Variants in EFTUD2 observed in about 807,000 individuals in gnomAD.
The protein encoded by EFTUD2 is elongation factor Tu GTP binding domain containing 2.
EFTUD2 carries 9 observed loss-of-function variants against 114.3 expected under a neutral mutation model. The ratio of observed to expected loss-of-function variants is 0.08; its 90% confidence interval spans 0.05 to 0.14. The LOEUF is 0.14. Among genes scored for constraint, EFTUD2 ranks in the 10% least tolerant of loss-of-function variants. The pLI, the probability that EFTUD2 is intolerant of heterozygous loss-of-function variation, is 1.00. For synonymous variants in EFTUD2, 449 were observed against 462.3 expected (o/e 0.97, Z 0.37); for missense variants, 765 against 1,241.2 (o/e 0.62, Z 5.76).
In EFTUD2 at chr17:44,851,089, C is replaced by A; in HGVS notation, c.*185G>T. On this transcript the variant is annotated 3_prime_UTR_variant, in exon 28 of 28. Transcript: ENST00000426333. ...GCCCGGCAGAGGCCACAGAAGGAAG[C>A]AGGAGGCCAAATGCTCCTCTCTCAC... is the stretch of plus-strand genomic sequence containing the variant. The A allele has an allele frequency of 1.7e-6, 1 of 572,034 alleles. No homozygotes were observed. Among genetic ancestry groups the A allele is most frequent in the South Asian group, 2.2e-5 (1 of 44,948 alleles). 35.4% of individuals were successfully genotyped at this position (572,034 alleles called of 1,614,324 possible).
At chr17:44,872,319 T>C in intron 11 of EFTUD2, 127 bp downstream of exon 11, 1 of 1,265,906 alleles carries the variant, frequency 7.9e-7, no homozygotes. Context: ...CCAAATGTGA[T>C]AATAACAGGT....
intron 7 of EFTUD2, 141 bp downstream of exon 7, chr17:44,881,546 G>T: frequency 1.1e-6 from 1 of 885,976 alleles, no homozygotes; most frequent in Non-Finnish European, 1.8e-6. Context: ...GGGGGAAGAA[G>T]GAGATGGGAT....
intron 6 of EFTUD2, among the ~76,000 whole-genome samples, chr17:44,882,685 C>T (rs2051094331): frequency 6.6e-6 from 1 of 152,198 alleles, no homozygotes; most frequent in African/African-American, 2.4e-5. Flanking sequence ...ATCAATCTGG[C>T]AGGGTTTGAA....
At chr17:44,862,262 T>A (rs113633016) in intron 16 of EFTUD2, among the ~76,000 whole-genome samples, 1 of 151,938 alleles carries the variant, frequency 6.6e-6, no homozygotes, top group Non-Finnish European at 1.5e-5. Flanking sequence ...TAGTGAGACA[T>A]TGTCTCTACA....
chr17:44,869,421 C>G (rs1202536767), intron 11 of EFTUD2, among the ~76,000 whole-genome samples: 1 of 152,162 alleles, frequency 6.6e-6, no homozygotes, highest in Non-Finnish European at 1.5e-5. Flanking sequence ...ACCTCTGCCT[C>G]CCGAGTAGCT....
At chr17:44,853,082 G>T (rs1226527462) in intron 25 of EFTUD2, among the ~76,000 whole-genome samples, 1 of 152,060 alleles carries the variant, frequency 6.6e-6, no homozygotes, top group African/African-American at 2.4e-5. Context: ...GGGTTTCACT[G>T]TGTTAGCCAG....
intron 15 of EFTUD2, 131 bp downstream of exon 15, chr17:44,863,524 G>T: frequency 7.5e-7 from 1 of 1,335,796 alleles, no homozygotes; most frequent in Non-Finnish European, 1.0e-6. Context: ...TTGCATTCAG[G>T]CCTGACTGTG....
Position 44,865,029 on chromosome 17 carries a change from G to A in EFTUD2, c.1186C>T (p.Leu396=), listed in dbSNP as rs1278748172. Residue 396 remains leucine, a synonymous_variant, in exon 14 of 28, where the codon CTA becomes TTA. Transcript: ENST00000426333. ...GTCAGGTGGATGCCAAGCTCGTCTA[G>A]GGTCCGTGGGAGGCTGGTGTCCACG... ...GDVDTSLPRT[L]DELGIHLTKE... is the part of the protein sequence containing the mutation. The A allele has an allele frequency of 1.2e-6, 2 of 1,614,186 alleles. No individual in the cohort carries two copies. The highest frequency in any genetic ancestry group is 1.7e-6 in the Non-Finnish European group (2 of 1,180,032).
At chr17:44,867,075 C>T (rs2050759156) in intron 13 of EFTUD2, among the ~76,000 whole-genome samples, 1 of 152,128 alleles carries the variant, frequency 6.6e-6, no homozygotes, top group South Asian at 2.1e-4. Flanking sequence ...CTATTGCACT[C>T]CCACCTGGGC....
intron 3 of EFTUD2, 42 bp downstream of exon 3, chr17:44,886,543 G>A: frequency 6.2e-7 from 1 of 1,601,340 alleles, no homozygotes; most frequent in Non-Finnish European, 8.5e-7. Flanking sequence ...AAGTTTCCAG[G>A]TTTCAATTTC....
intron 2 of EFTUD2, among the ~76,000 whole-genome samples, chr17:44,887,046 A>G (rs1215007438): frequency 6.6e-6 from 1 of 152,228 alleles, no homozygotes; most frequent in East Asian, 1.9e-4. Flanking sequence ...TACGGGGAAA[A>G]AAGCAACTTT....
chr17:44,894,236 G>C (rs1411114744), intron 2 of EFTUD2, 181 bp downstream of exon 2: 1 of 565,486 alleles, frequency 1.8e-6, no homozygotes, highest in African/African-American at 1.9e-5. Context: ...TGGGCATGGT[G>C]GTGCATACCT....
In EFTUD2 at chr17:44,866,065, C is replaced by T. The variant is rs148901497; in HGVS notation, c.1150-1000G>A. Among the ~76,000 whole-genome samples, 29 of 152,336 alleles carry T rather than the reference C, an allele frequency of 1.9e-4. No homozygotes were observed. In the East Asian group the frequency reaches 5.4e-3, roughly 28 times the overall value. On this transcript the variant is annotated intron_variant, in intron 13 of 27. Coordinates refer to ENST00000426333, the MANE Select transcript of EFTUD2 (RefSeq NM_004247.4). The stretch of plus-strand genomic sequence containing the variant: ...TCTCAAGCGATCTGCCCACTGGGAC[C>T]TCCCAAAGTGCTGGAATTACAGGCG...
rs776087937 is a variant in EFTUD2 at position 44,880,655 on chromosome 17, C to G, written c.529-11G>C. The G allele has an allele frequency of 7.4e-6, 12 of 1,611,254 alleles. No homozygotes were observed. The Admixed American group carries it at 1.5e-4, about 20-fold the overall frequency. ...GATGCCTACACCTCTCTGAAAGGAA[C>G]AAAGAGTGGTCAAGACCTCTTCCTA... On this transcript the variant is annotated splice_polypyrimidine_tract_variant and intron_variant, in intron 7 of 27. Transcript: ENST00000426333.
At position 44,876,066 on chromosome 17, in the gene EFTUD2, G is replaced by A. The variant is rs1393171446; in HGVS notation, c.737C>T (p.Ala246Val). The A allele has an allele frequency of 8.1e-6, 13 of 1,613,568 alleles. No individual in the cohort carries two copies. Among genetic ancestry groups the A allele is most frequent in the Admixed American group, 5.0e-5 (3 of 59,972 alleles). Residue 246 changes from alanine (A) to valine (V), a missense_variant, in exon 10 of 28, where the codon GCG becomes GTG. By Grantham distance (64) the Ala-to-Val change is moderately conservative (BLOSUM62 0). Around this residue, in one of 6 missense-constraint regions of EFTUD2, gnomAD observed 251 missense variants for 357.7 expected, o/e 0.70. Transcript: ENST00000426333. The part of the protein sequence containing the change: ...MLNTERLIKH[A>V]VQERLAVTVC... The stretch of plus-strand genomic sequence containing the variant: ...AGTGACTGCCAGCCTCTCCTGCACC[G>A]CATGCTTGATCAGCCGCTCTGTGTT...
Position 44,881,693 on chromosome 17 carries a change from C to T in EFTUD2, c.522G>A (p.Glu174=). The part of the protein sequence containing the change: ...DLCYTDILFT[E]QERGVGIKST... ...TTCCCCAAGGCATGCTTACCTCTTG[C>T]TCTGTGAAGAGGATGTCAGTATAGC... The change falls in exon 7 of 28, where the codon GAG becomes GAA. Residue 174 remains glutamate, a synonymous_variant. Coordinates refer to ENST00000426333, the MANE Select transcript of EFTUD2 (RefSeq NM_004247.4). The T allele has an allele frequency of 1.9e-6, 3 of 1,614,170 alleles. No individual in the cohort carries two copies. Among genetic ancestry groups the T allele is most frequent in the Non-Finnish European group, 2.5e-6 (3 of 1,180,012 alleles).
intron 8 of EFTUD2, among the ~76,000 whole-genome samples, chr17:44,880,316 T>C (rs2051050424): frequency 6.6e-6 from 1 of 152,178 alleles, no homozygotes; most frequent in Non-Finnish European, 1.5e-5. Context: ...ATGAATACAA[T>C]TCCCTAACAT....
rs1177091086 is a variant in EFTUD2, at chr17:44,885,354, T to C, written c.272-20A>G. On this transcript the variant is annotated intron_variant, in intron 3 of 27. Coordinates refer to ENST00000426333, the MANE Select transcript of EFTUD2 (RefSeq NM_004247.4). The stretch of plus-strand genomic sequence containing the variant: ...TGGGTTCTAGAAGAAAAAAAAAAGG[T>C]AGTGATGTGTAGGTGGGCATAAAAC... 1.6e-5 allele frequency: 24 copies of C among 1,535,640 alleles called. No homozygotes were observed. Among genetic ancestry groups the C allele is most frequent in the Non-Finnish European group, 2.1e-5 (23 of 1,110,554 alleles).
At chr17:44,856,802 A>G (rs2050564266) in intron 20 of EFTUD2, among the ~76,000 whole-genome samples, 1 of 151,686 alleles carries the variant, frequency 6.6e-6, no homozygotes, top group Admixed American at 6.6e-5. Context: ...TAAGATTTGG[A>G]GTAAACTTTT....
Sources: gnomAD v4.1 joint callset for allele counts (sites outside exome capture counted in the v4.1 genomes callset) on GRCh38, gnomAD v4.1.1 for gene constraint, gnomAD v4.1.1 regional missense constraint, MANE v1.5 for transcripts, NCBI Gene and HGNC (gene_info 2026-07-23, HGNC 2026-07-21) for gene names.